The following LRFN2 variants were observed in gnomAD, a reference collection of about 807,000 sequenced individuals.
LRFN2 encodes the protein leucine-rich repeat and fibronectin type-III domain-containing protein 2.
Under a neutral mutation model 37.3 loss-of-function variants are expected in LRFN2, and 18 were observed. The observed-to-expected ratio is 0.48, with a 90% CI of 0.33 to 0.72. LRFN2 has a LOEUF of 0.72. LRFN2 is among the 30% of genes least tolerant of loss of function. The probability of loss-of-function intolerance (pLI) is 0.02; values close to 1 mark genes in which losing one functional copy is unlikely to be tolerated. For synonymous variants in LRFN2, 556 were observed against 466.6 expected (o/e 1.19, Z -2.47); for missense variants, 1,006 against 1,060.7 (o/e 0.95, Z 0.72).
chr6:40,445,379 G>A (rs1291009771), intron 1 of LRFN2, among the ~76,000 whole-genome samples: 2 of 152,206 alleles, frequency 1.3e-5, no homozygotes, highest in African/African-American at 4.8e-5. Flanking sequence ...CCCCCTCCCA[G>A]ATGACATCAT....
intron 2 of LRFN2, among the ~76,000 whole-genome samples, chr6:40,399,964 C>T (rs1471443311): frequency 6.6e-6 from 1 of 151,870 alleles, no homozygotes; most frequent in Non-Finnish European, 1.5e-5. Flanking sequence ...CGGAATCACT[C>T]ATCACTCCCC....
intron 1 of LRFN2, among the ~76,000 whole-genome samples, chr6:40,547,597 C>A (rs1049753136): frequency 1.4e-4 from 21 of 152,152 alleles, no homozygotes; most frequent in Non-Finnish European, 3.1e-4. Flanking sequence ...GTCAGTGCAG[C>A]CCCCACCAGT....
intron 2 of LRFN2, among the ~76,000 whole-genome samples, chr6:40,429,121 AT>A (rs946995702): frequency 2.0e-5 from 3 of 152,086 alleles, no homozygotes; most frequent in East Asian, 1.9e-4. Context: ...TGTTAGCTGC[AT>A]TTTTTTTATT....
Position 40,577,818 on chromosome 6 carries a change from A to AT in LRFN2, c.-19+9122_-19+9123insA, listed in dbSNP as rs1581803583. Among the ~76,000 whole-genome samples, 6 of 106,870 alleles carry AT rather than the reference A, an allele frequency of 5.6e-5. No homozygotes were observed. In the East Asian group the frequency reaches 1.3e-3, roughly 23 times the overall value. 70.1% of individuals were successfully genotyped at this position (106,870 alleles called of 152,430 possible). A position where few individuals can be genotyped will look rare whatever the true frequency, so the allele number is the denominator to read the frequency against. On this transcript the variant is annotated intron_variant, in intron 1 of 2. Coordinates refer to ENST00000338305, the MANE Select transcript of LRFN2 (RefSeq NM_020737.3). ...AAATAAATAAATAAATAAAAATTAA[A>AT]AAAAATAAAAATAAATAAAAATAAA...
At chr6:40,519,010 T>C (rs1198569098) in intron 1 of LRFN2, among the ~76,000 whole-genome samples, 4 of 152,006 alleles carry the variant, frequency 2.6e-5, no homozygotes, top group Admixed American at 6.6e-5. Flanking sequence ...AGAGGGCAGA[T>C]CTGAGCATGA....
In LRFN2 at chr6:40,529,228, C is replaced by T. The variant is rs571298991; in HGVS notation, c.-19+57713G>A. The stretch of plus-strand genomic sequence containing the variant: ...TGCGAGGCTGTGAGAGGTCAGCCAG[C>T]GCTTCAAAGGACCCCAGGACCTTTG... On this transcript the variant is annotated intron_variant, in intron 1 of 2. Coordinates refer to ENST00000338305, the MANE Select transcript of LRFN2 (RefSeq NM_020737.3). 1.1e-4 allele frequency among the ~76,000 whole-genome samples: 17 copies of T among 152,240 alleles called. No individual in the cohort carries two copies. In the South Asian group the frequency reaches 1.2e-3, roughly 11 times the overall value.
chr6:40,429,184 G>A (rs1012732289), intron 2 of LRFN2, among the ~76,000 whole-genome samples: 2 of 152,088 alleles, frequency 1.3e-5, no homozygotes, highest in African/African-American at 4.8e-5. Flanking sequence ...GAAAGTTAGT[G>A]TCTCCAGGTT....
intron 1 of LRFN2, among the ~76,000 whole-genome samples, chr6:40,583,467 A>T (rs2113801867): frequency 6.6e-6 from 1 of 152,312 alleles, no homozygotes; most frequent in Admixed American, 6.5e-5. Context: ...GGTTAACTGC[A>T]GTCCCACATA....
rs570997622 is a variant in LRFN2, at chr6:40,486,746, C to T, written c.-18-53615G>A. On this transcript the variant is annotated intron_variant, in intron 1 of 2. Coordinates refer to ENST00000338305, the MANE Select transcript of LRFN2 (RefSeq NM_020737.3). ...ATGAAATGTCAAGCCAATGGGGATA[C>T]GCTACAGAATCCCACAAGGGTGTGT... Among the ~76,000 whole-genome samples the T allele has an allele frequency of 2.5e-4, 38 of 152,238 alleles. No individual in the cohort carries two copies. In the Middle Eastern group the frequency reaches 0.01, roughly 41 times the overall value.
At chr6:40,556,915 T>C (rs1342881065) in intron 1 of LRFN2, among the ~76,000 whole-genome samples, 2 of 152,136 alleles carry the variant, frequency 1.3e-5, no homozygotes, top group African/African-American at 4.8e-5. Flanking sequence ...GCTCAAGGCA[T>C]CCTTTGATTT....
intron 1 of LRFN2, among the ~76,000 whole-genome samples, chr6:40,505,696 G>A (rs1765513115): frequency 6.6e-6 from 1 of 152,180 alleles, no homozygotes; most frequent in South Asian, 2.1e-4. Context: ...GCCTAGGGCA[G>A]GGGCCTCTAG....
chr6:40,519,313 G>A (rs1265580066), intron 1 of LRFN2, among the ~76,000 whole-genome samples: 1 of 152,176 alleles, frequency 6.6e-6, no homozygotes, highest in Non-Finnish European at 1.5e-5. Context: ...ATATTGATAA[G>A]CAGTGGGACT....
chr6:40,578,743 TAGTA>T (rs1326010055), intron 1 of LRFN2, among the ~76,000 whole-genome samples: 1 of 152,206 alleles, frequency 6.6e-6, no homozygotes, highest in Non-Finnish European at 1.5e-5. Context: ...ACCTTATGTA[TAGTA>T]GTTCATTTAA....
chr6:40,568,381 A>T (rs1349014768), intron 1 of LRFN2, among the ~76,000 whole-genome samples: 1 of 152,194 alleles, frequency 6.6e-6, no homozygotes, highest in Non-Finnish European at 1.5e-5. Flanking sequence ...TTGGAAATTG[A>T]GACAGCAGCT....
chr6:40,422,275 G>A (rs1763246538), intron 2 of LRFN2, among the ~76,000 whole-genome samples: 1 of 152,146 alleles, frequency 6.6e-6, no homozygotes, highest in African/African-American at 2.4e-5. Flanking sequence ...TCCCTCACTA[G>A]CAGTTTGGAG....
At chr6:40,542,422 G>A (rs1221627444) in intron 1 of LRFN2, among the ~76,000 whole-genome samples, 1 of 152,070 alleles carries the variant, frequency 6.6e-6, no homozygotes, top group Non-Finnish European at 1.5e-5. Context: ...GGCGGGAGGT[G>A]CTGCAGTGAA....
chr6:40,479,144 C>T (rs887248487), intron 1 of LRFN2, among the ~76,000 whole-genome samples: 9 of 152,178 alleles, frequency 5.9e-5, no homozygotes, highest in Non-Finnish European at 1.0e-4. Flanking sequence ...TGGTTCCTAC[C>T]GCAGGAGGTT....
intron 2 of LRFN2, among the ~76,000 whole-genome samples, chr6:40,407,603 A>G (rs1269298726): frequency 1.3e-5 from 2 of 152,218 alleles, no homozygotes; most frequent in African/African-American, 4.8e-5. Context: ...TTCAACAACA[A>G]CTCATCACTT....
At chr6:40,547,875 G>A (rs988974845) in intron 1 of LRFN2, among the ~76,000 whole-genome samples, 1 of 152,124 alleles carries the variant, frequency 6.6e-6, no homozygotes. Flanking sequence ...ACCAGCCCCA[G>A]GGTATTTCAC....
Sources: gnomAD v4.1 joint callset for allele counts (sites outside exome capture counted in the v4.1 genomes callset) on GRCh38, gnomAD v4.1.1 for gene constraint, MANE v1.5 for transcripts, NCBI Gene and HGNC (gene_info 2026-07-23, HGNC 2026-07-21) for gene names.